GAD2: variants seen among roughly 807,000 people sequenced by gnomAD.
GAD2 encodes 65 kDa glutamic acid decarboxylase.
GAD2 carries 22 observed loss-of-function variants against 80.1 expected under a neutral mutation model. That is an observed-to-expected ratio of 0.27 (90% CI 0.20 to 0.39). The LOEUF is 0.39. Ranked by LOEUF, GAD2 falls within the 10% of genes least tolerant of loss-of-function variation. The probability of loss-of-function intolerance (pLI) is 1.00; values close to 1 mark genes in which losing one functional copy is unlikely to be tolerated. For synonymous variants in GAD2, 274 were observed against 256.9 expected (o/e 1.07, Z -0.64); for missense variants, 624 against 738.4 (o/e 0.85, Z 1.80).
At chr10:26,277,682 G>C (rs1381789419) in intron 11 of GAD2, among the ~76,000 whole-genome samples, 2 of 152,156 alleles carry the variant, frequency 1.3e-5, no homozygotes, top group Non-Finnish European at 2.9e-5. Flanking sequence ...AGGAGAGGGG[G>C]AGAGAGAACT....
intron 7 of GAD2, among the ~76,000 whole-genome samples, chr10:26,244,996 A>G (rs1033175146): frequency 6.6e-6 from 1 of 151,862 alleles, no homozygotes; most frequent in Non-Finnish European, 1.5e-5. Context: ...TACTAAAAAT[A>G]CCAAAAACTA....
At chr10:26,241,201 C>A (rs1031507267) in intron 7 of GAD2, among the ~76,000 whole-genome samples, 1 of 152,102 alleles carries the variant, frequency 6.6e-6, no homozygotes, top group Non-Finnish European at 1.5e-5. Context: ...ATTATCAAGG[C>A]TCTACTGTAA....
At chr10:26,297,738 G>A (rs1834290162) in intron 15 of GAD2, among the ~76,000 whole-genome samples, 1 of 152,214 alleles carries the variant, frequency 6.6e-6, no homozygotes, top group South Asian at 2.1e-4. Context: ...GGAAGAGACA[G>A]CCTCCAGCAT....
At chr10:26,242,632 G>A (rs891523199) in intron 7 of GAD2, among the ~76,000 whole-genome samples, 1 of 152,004 alleles carries the variant, frequency 6.6e-6, no homozygotes, top group Non-Finnish European at 1.5e-5. Context: ...AAACAGACTC[G>A]ATGTTTGCTA....
intron 6 of GAD2, among the ~76,000 whole-genome samples, chr10:26,225,188 G>A (rs1336151666): frequency 1.3e-5 from 2 of 152,218 alleles, no homozygotes; most frequent in Non-Finnish European, 2.9e-5. Context: ...AGCAAAAATA[G>A]AGGGTGACGA....
At chr10:26,295,508 G>GCGCACACACACACA (rs1332894396) in intron 15 of GAD2, among the ~76,000 whole-genome samples, 1 of 133,822 alleles carries the variant, frequency 7.5e-6, no homozygotes. Flanking sequence ...TCATACGCAT[G>GCGCACACACACACA]CACACACACA....
intron 8 of GAD2, among the ~76,000 whole-genome samples, chr10:26,252,657 C>G (rs570928445): frequency 9.6e-4 from 139 of 144,488 alleles, no homozygotes; most frequent in African/African-American, 3.3e-3. Flanking sequence ...GACCCGGTAC[C>G]CCTTCTTTTT....
In GAD2 at chr10:26,217,134, C is replaced by T. The variant is rs559005889; in HGVS notation, c.76+249C>T. 2.0e-5 allele frequency among the ~76,000 whole-genome samples: 3 copies of T among 152,000 alleles called. No homozygotes were observed. The highest frequency in any genetic ancestry group is 7.2e-5 in the African/African-American group (3 of 41,464). ...AAGGTTGGAAGAGCCCCCCAAAGAC[C>T]GCGGTGTCTCGGGGACATGGAATTC... On this transcript the variant is annotated intron_variant, in intron 1 of 15. Coordinates refer to ENST00000376261, the MANE Select transcript of GAD2 (RefSeq NM_001134366.2). The surrounding 1 kb of genome is among the most constrained non-coding windows in gnomAD (Gnocchi z 4.9).
At chr10:26,269,402 C>T (rs994077956) in intron 9 of GAD2, among the ~76,000 whole-genome samples, 2 of 152,188 alleles carry the variant, frequency 1.3e-5, no homozygotes, top group African/African-American at 4.8e-5. Flanking sequence ...ATACAGTGAG[C>T]GTTTCCAAAG....
intron 15 of GAD2, among the ~76,000 whole-genome samples, chr10:26,298,355 T>C (rs530058175): frequency 2.2e-4 from 33 of 152,318 alleles, no homozygotes; most frequent in African/African-American, 6.5e-4. Context: ...ACGAAGTAGA[T>C]GTTCATGTTC....
At chr10:26,287,715 G>A (rs943964435) in intron 13 of GAD2, among the ~76,000 whole-genome samples, 5 of 152,172 alleles carry the variant, frequency 3.3e-5, no homozygotes, top group African/African-American at 1.2e-4. Context: ...CAAGGCATGA[G>A]AACCCTCTCT....
chr10:26,264,590 G>A (rs916093711), intron 8 of GAD2, among the ~76,000 whole-genome samples: 7 of 152,232 alleles, frequency 4.6e-5, no homozygotes, highest in Admixed American at 2.6e-4. Context: ...GATAACAGGC[G>A]TGGAGCCACC....
At chr10:26,236,742 G>A (rs1406603109) in intron 7 of GAD2, among the ~76,000 whole-genome samples, 1 of 152,196 alleles carries the variant, frequency 6.6e-6, no homozygotes. Flanking sequence ...TCCACAAAAT[G>A]TATTGCTCCC....
At position 26,216,821 on chromosome 10, in the gene GAD2, G is replaced by C; in HGVS notation, c.12G>C (p.Pro4=). The part of the protein sequence containing the change: MAS[P]GSGFWSFGSE... ...AGTCTCCAAAGCCGATGGCATCTCCGGGCTCTGGCTTTTGGTCTTTCGGGT... is the reference window on the plus strand; with the variant it reads ...AGTCTCCAAAGCCGATGGCATCTCCCGGCTCTGGCTTTTGGTCTTTCGGGT... The change falls in exon 1 of 16, where the codon CCG becomes CCC. Residue 4 remains proline (P), a synonymous_variant. Coordinates refer to ENST00000376261, the MANE Select transcript of GAD2 (RefSeq NM_001134366.2). This position sits in a 1 kb window ranked among gnomAD's most constrained non-coding sequence, Gnocchi z 4.7. The C allele has an allele frequency of 6.2e-7, 1 of 1,612,574 alleles. No homozygotes were observed. Among genetic ancestry groups the C allele is most frequent in the East Asian group, 2.2e-5 (1 of 44,732 alleles).
chr10:26,273,724 C>T, intron 11 of GAD2, 24 bp downstream of exon 11: 1 of 1,598,564 alleles, frequency 6.3e-7, no homozygotes, highest in Non-Finnish European at 8.6e-7. Context: ...TTCTTATTAA[C>T]AACATAAAGT....
intron 6 of GAD2, 86 bp downstream of exon 6, chr10:26,224,737 C>A: frequency 1.1e-6 from 1 of 943,188 alleles, no homozygotes; most frequent in Non-Finnish European, 1.7e-6. Context: ...AAAATCTAGC[C>A]TATGCCTCTG....
At chr10:26,269,869 G>C (rs763500692) in intron 9 of GAD2, among the ~76,000 whole-genome samples, 1 of 152,112 alleles carries the variant, frequency 6.6e-6, no homozygotes, top group African/African-American at 2.4e-5. Context: ...TAAGTGGCAG[G>C]CAGCAGGAGA....
At chr10:26,272,947 T>C (rs1845153920) in intron 10 of GAD2, among the ~76,000 whole-genome samples, 1 of 152,190 alleles carries the variant, frequency 6.6e-6, no homozygotes, top group African/African-American at 2.4e-5. Context: ...AATTTTATAA[T>C]CCATTTAAAA....
chr10:26,224,272 G>A (rs1177973615), intron 5 of GAD2, among the ~76,000 whole-genome samples: 2 of 152,086 alleles, frequency 1.3e-5, no homozygotes, highest in Non-Finnish European at 2.9e-5. Flanking sequence ...TTTAAATCAT[G>A]TTACTCTGCA....
Sources: allele counts gnomAD v4.1 joint callset (sites outside exome capture counted in the v4.1 genomes callset), GRCh38; gene constraint gnomAD v4.1.1; non-coding constraint Gnocchi (gnomAD v3.1); transcripts MANE v1.5; gene names NCBI Gene and HGNC (gene_info 2026-07-23, HGNC 2026-07-21).